Variants in FGF12 observed in about 807,000 individuals in gnomAD.
The protein encoded by FGF12 is fibroblast growth factor 12B.
In FGF12, 14 loss-of-function variants were observed where a neutral mutation model predicts 23.6. The ratio of observed to expected loss-of-function variants is 0.59; its 90% CI spans 0.39 to 0.93. The LOEUF (loss-of-function observed/expected upper bound fraction) is 0.93, where lower values mean the gene tolerates loss of function less well. Among genes scored for constraint, FGF12 ranks in the 40% least tolerant of loss-of-function variants. The pLI is 0.00. For synonymous variants in FGF12, 62 were observed against 77.3 expected (o/e 0.80, Z 1.04); for missense variants, 175 against 217.8 (o/e 0.80, Z 1.24).
intron 2 of FGF12, among the ~76,000 whole-genome samples, chr3:192,597,613 C>A (rs1047094385): frequency 6.6e-5 from 10 of 152,260 alleles, no homozygotes; most frequent in African/African-American, 2.2e-4. Context: ...TTATAGTCTG[C>A]ATAGAACTGG....
intron 2 of FGF12, among the ~76,000 whole-genome samples, chr3:192,646,935 A>G (rs1716028200): frequency 6.6e-6 from 1 of 152,162 alleles, no homozygotes; most frequent in African/African-American, 2.4e-5. Context: ...TAGTGTCAAT[A>G]TATGACACAC....
At chr3:192,614,504 T>G (rs746782700) in intron 2 of FGF12, among the ~76,000 whole-genome samples, 1 of 151,970 alleles carries the variant, frequency 6.6e-6, no homozygotes, top group Non-Finnish European at 1.5e-5. Context: ...TTCATTCAAG[T>G]TAATTTATCT....
chr3:192,461,554 T>G (rs1437897436), intron 2 of FGF12, among the ~76,000 whole-genome samples: 1 of 151,914 alleles, frequency 6.6e-6, no homozygotes, highest in Non-Finnish European at 1.5e-5. Flanking sequence ...GTGGTTTTTA[T>G]TTCTTAATTT....
At chr3:192,232,467 A>C (rs898606617) in intron 4 of FGF12, among the ~76,000 whole-genome samples, 42 of 152,238 alleles carry the variant, frequency 2.8e-4, no homozygotes, top group African/African-American at 8.2e-4. Flanking sequence ...TTCCATAGTC[A>C]ACCCTAGCAA....
chr3:192,478,591 T>C (rs1023315314), intron 2 of FGF12, among the ~76,000 whole-genome samples: 2 of 152,196 alleles, frequency 1.3e-5, no homozygotes, highest in African/African-American at 2.4e-5. Flanking sequence ...GTCTACTGTA[T>C]TCATTCTTCA....
intron 4 of FGF12, among the ~76,000 whole-genome samples, chr3:192,183,902 T>C (rs1560183007): frequency 6.6e-6 from 1 of 152,306 alleles, no homozygotes; most frequent in East Asian, 1.9e-4. Context: ...TTATGCGCTT[T>C]CGTAGATTAA....
chr3:192,305,696 A>G (rs1485685516), intron 4 of FGF12, among the ~76,000 whole-genome samples: 1 of 144,358 alleles, frequency 6.9e-6, no homozygotes, highest in Non-Finnish European at 1.5e-5. Context: ...ATATATATAT[A>G]AATATATATA....
intron 4 of FGF12, among the ~76,000 whole-genome samples, chr3:192,183,469 G>A (rs1290706657): frequency 1.3e-5 from 2 of 152,152 alleles, no homozygotes; most frequent in Admixed American, 1.3e-4. Flanking sequence ...TGCTGTGATG[G>A]TGTGTCCTCA....
At chr3:192,675,201 CTG>C (rs1717283619) in intron 2 of FGF12, among the ~76,000 whole-genome samples, 1 of 152,096 alleles carries the variant, frequency 6.6e-6, no homozygotes, top group African/African-American at 2.4e-5. Context: ...TCCCAGTACA[CTG>C]CGGCAACAGG....
At chr3:192,288,452 A>T (rs1471618889) in intron 4 of FGF12, among the ~76,000 whole-genome samples, 4 of 152,002 alleles carry the variant, frequency 2.6e-5, no homozygotes, top group Non-Finnish European at 5.9e-5. Flanking sequence ...CCTGTGATTA[A>T]TTTTTTTAAT....
chr3:192,414,388 CA>C (rs1228982312), intron 2 of FGF12, among the ~76,000 whole-genome samples: 4 of 152,178 alleles, frequency 2.6e-5, no homozygotes, highest in African/African-American at 9.7e-5. Flanking sequence ...GATTCACACC[CA>C]TATAATTTAT....
At position 192,341,575 on chromosome 3, in the gene FGF12, A is replaced by G. The variant is rs75093384; in HGVS notation, c.125-6111T>C. 5.9e-3 allele frequency among the ~76,000 whole-genome samples: 900 copies of G among 152,244 alleles called. 6 individuals carry two copies. Among genetic ancestry groups the G allele is most frequent in the African/African-American group, 0.021 (861 of 41,538 alleles). ...TTTTGCATCTAATTTTCATTTCATT[A>G]TATTTATTTTTTCGAGGGAGAACCC... On this transcript the variant is annotated intron_variant, in intron 3 of 5. Coordinates refer to ENST00000445105, the MANE Select transcript of FGF12 (RefSeq NM_004113.6).
intron 4 of FGF12, among the ~76,000 whole-genome samples, chr3:192,295,072 A>C (rs1714957641): frequency 6.6e-6 from 1 of 152,212 alleles, no homozygotes; most frequent in Non-Finnish European, 1.5e-5. Flanking sequence ...TTTAAGACTC[A>C]GAGTGATGGA....
Position 192,714,553 on chromosome 3 carries a change from C to G in FGF12, c.13+12628G>C, listed in dbSNP as rs999931570. On this transcript the variant is annotated intron_variant, in intron 2 of 5. Coordinates refer to ENST00000445105, the MANE Select transcript of FGF12 (RefSeq NM_004113.6). ...TTTTTTTTTGAGACGGAATCTCGCT[C>G]TGTCGCCCAGGCTGGAGTGCAGCGG... Among the ~76,000 whole-genome samples the G allele has an allele frequency of 7.8e-5, 9 of 114,970 alleles. No individual in the cohort carries two copies. In the Admixed American group the frequency reaches 9.2e-4, roughly 12 times the overall value. 75.4% of individuals were successfully genotyped at this position (114,970 alleles called of 152,430 possible).
intron 2 of FGF12, among the ~76,000 whole-genome samples, chr3:192,659,360 A>C (rs371581711): frequency 1.3e-5 from 2 of 152,194 alleles, no homozygotes; most frequent in East Asian, 1.9e-4. Context: ...AGGAGAAATC[A>C]GTACTCATCT....
intron 3 of FGF12, among the ~76,000 whole-genome samples, chr3:192,346,629 G>A (rs1255438429): frequency 1.3e-5 from 2 of 152,144 alleles, no homozygotes; most frequent in Admixed American, 1.3e-4. Context: ...CTAGAACGCA[G>A]TTGGCCTTCA....
chr3:192,523,250 G>A (rs2108847100), intron 2 of FGF12, among the ~76,000 whole-genome samples: 1 of 152,222 alleles, frequency 6.6e-6, no homozygotes, highest in South Asian at 2.1e-4. Context: ...ACTTCTCAGA[G>A]CCTAACAGTA....
chr3:192,464,426 C>G (rs1196059036), intron 2 of FGF12, among the ~76,000 whole-genome samples: 2 of 151,726 alleles, frequency 1.3e-5, no homozygotes, highest in African/African-American at 4.8e-5. Context: ...CTTAGAATAG[C>G]GGTCTCCATC....
intron 4 of FGF12, among the ~76,000 whole-genome samples, chr3:192,277,026 G>A (rs145076163): frequency 6.6e-6 from 1 of 152,156 alleles, no homozygotes; most frequent in African/African-American, 2.4e-5. Context: ...TTATTCCCCT[G>A]CTTCTTTGGG....
Sources: allele counts gnomAD v4.1 joint callset (sites outside exome capture counted in the v4.1 genomes callset), GRCh38; gene constraint gnomAD v4.1.1; transcripts MANE v1.5; gene names NCBI Gene and HGNC (gene_info 2026-07-23, HGNC 2026-07-21).